The following USP28 variants were observed in gnomAD, a reference collection of about 807,000 sequenced individuals.
USP28 encodes the protein ubiquitin specific peptidase 28.
USP28 carries 113 observed loss-of-function variants against 145.0 expected under a neutral mutation model. The ratio of observed to expected loss-of-function variants is 0.78; its 90% CI spans 0.67 to 0.91. USP28 has a LOEUF of 0.91. Among genes scored for constraint, USP28 ranks in the 40% least tolerant of loss-of-function variants. USP28 has a pLI of 0.00. For missense variants in USP28, 1,201 were observed against 1,289.6 expected, an observed-to-expected ratio of 0.93 and a Z score of 1.05; for synonymous variants, 447 against 450.9, an observed-to-expected ratio of 0.99 and a Z score of 0.11.
chr11:113,814,815 A>C (rs1941475062), intron 14 of USP28, among the ~76,000 whole-genome samples: 1 of 152,004 alleles, frequency 6.6e-6, no homozygotes, highest in Non-Finnish European at 1.5e-5. Context: ...TTGGGAGGCC[A>C]AGGCAGGCAG....
At chr11:113,798,075 T>G (rs1267936274) in exon 25 of USP28, 2 of 132,088 alleles carry the variant, frequency 1.5e-5, no homozygotes, top group African/African-American at 2.9e-5. Context: ...GGTTTTTTTT[T>G]TTTTTTTTTT....
At chr11:113,811,399 G>A (rs1292190348) in intron 16 of USP28, among the ~76,000 whole-genome samples, 1 of 152,138 alleles carries the variant, frequency 6.6e-6, no homozygotes, top group Non-Finnish European at 1.5e-5. Flanking sequence ...AAATACACCT[G>A]TAAAATTTAG....
intron 12 of USP28, among the ~76,000 whole-genome samples, chr11:113,819,333 G>A (rs145170729): frequency 6.6e-6 from 1 of 152,030 alleles, no homozygotes; most frequent in Non-Finnish European, 1.5e-5. Flanking sequence ...AGCTGGTCTC[G>A]AACTCCTGAT....
At chr11:113,823,256 A>T (rs1433516337) in intron 12 of USP28, among the ~76,000 whole-genome samples, 1 of 152,192 alleles carries the variant, frequency 6.6e-6, no homozygotes, top group Non-Finnish European at 1.5e-5. Flanking sequence ...TGCTTTTCCA[A>T]AAGTGGACGG....
At chr11:113,838,198 T>C (rs1002784721) in intron 5 of USP28, among the ~76,000 whole-genome samples, 4 of 152,100 alleles carry the variant, frequency 2.6e-5, no homozygotes, top group Admixed American at 1.3e-4. Context: ...TCCACAGGAG[T>C]GAAGGCTAAT....
intron 1 of USP28, among the ~76,000 whole-genome samples, chr11:113,858,695 C>T (rs1004668642): frequency 9.2e-5 from 14 of 152,178 alleles, no homozygotes; most frequent in Non-Finnish European, 1.5e-4. Context: ...CTGCAAACTC[C>T]ACCTCTTGGG....
intron 24 of USP28, 51 bp from the exon 26 acceptor site, chr11:113,799,466 T>G: frequency 6.4e-7 from 1 of 1,570,146 alleles, no homozygotes; most frequent in South Asian, 1.2e-5. Flanking sequence ...GATTTCTGAG[T>G]AAAAGTGAAC....
intron 15 of USP28, among the ~76,000 whole-genome samples, chr11:113,812,719 G>T (rs1305296054): frequency 6.6e-6 from 1 of 152,096 alleles, no homozygotes; most frequent in Non-Finnish European, 1.5e-5. Context: ...TGAACTACAT[G>T]ACCTCTCTGA....
At chr11:113,869,652 T>C (rs1948625838) in intron 1 of USP28, among the ~76,000 whole-genome samples, 1 of 152,164 alleles carries the variant, frequency 6.6e-6, no homozygotes, top group African/African-American at 2.4e-5. Context: ...CACACCTTGC[T>C]GGGTTTTTGT....
intron 3 of USP28, among the ~76,000 whole-genome samples, chr11:113,852,031 T>A (rs1272695450): frequency 6.6e-6 from 1 of 152,026 alleles, no homozygotes; most frequent in Non-Finnish European, 1.5e-5. Flanking sequence ...AAATGAAACT[T>A]TTTTTTTCTT....
chr11:113,813,962 G>A lies in USP28; in HGVS notation c.1673-7C>T. On this transcript the variant is annotated splice_region_variant and splice_polypyrimidine_tract_variant and intron_variant, in intron 14 of 24. Coordinates refer to ENST00000003302, the Ensembl canonical transcript of USP28. ...GCAATACAAGTCTTTAAATCTGTTT[G>A]GAAAAAGAAAAACAAAAGCTTCACT... 2 of 1,595,202 alleles carry A rather than the reference G, an allele frequency of 1.3e-6. No individual in the cohort carries two copies. Among genetic ancestry groups the A allele is most frequent in the Non-Finnish European group, 8.5e-7 (1 of 1,173,360 alleles).
intron 6 of USP28, 48 bp from the exon 7 acceptor site, chr11:113,833,605 A>G: frequency 6.4e-7 from 1 of 1,565,798 alleles, no homozygotes; most frequent in Non-Finnish European, 8.6e-7. Context: ...CATTTAGAAA[A>G]TCAGAACGTG....
intron 3 of USP28, among the ~76,000 whole-genome samples, chr11:113,848,452 A>G (rs750253398): frequency 6.6e-6 from 1 of 152,172 alleles, no homozygotes; most frequent in African/African-American, 2.4e-5. Context: ...TGGGGACCCA[A>G]AGCCTTATGT....
chr11:113,841,367 A>G (rs999442201), intron 4 of USP28, among the ~76,000 whole-genome samples: 1 of 152,242 alleles, frequency 6.6e-6, no homozygotes, highest in African/African-American at 2.4e-5. Flanking sequence ...AGTTTATAAA[A>G]GAGAATATAC....
intron 16 of USP28, 130 bp from the exon 17 acceptor site, chr11:113,809,384 G>T: frequency 1.1e-6 from 1 of 879,676 alleles, no homozygotes; most frequent in South Asian, 1.8e-5. Flanking sequence ...GAATCCATCA[G>T]AAATGCAGGC....
exon 21 of USP28, chr11:113,804,724 T>C (rs375471847): frequency 1.2e-6 from 2 of 1,614,234 alleles, no homozygotes; most frequent in East Asian, 2.2e-5. Context: ...TCAGTTTCGC[T>C]TGAGCCACCT....
chr11:113,811,354 T>C (rs1417271557), intron 16 of USP28, among the ~76,000 whole-genome samples: 6 of 152,202 alleles, frequency 3.9e-5, no homozygotes, highest in Non-Finnish European at 7.3e-5. Context: ...TCTGTATGAG[T>C]AGTAGTATTA....
rs962579303 is a variant in USP28, at chr11:113,874,554, T to C, written c.57+891A>G. ...GTCTGCCAGCTTTGTACGACAAATA[T>C]AGTTTCTCATCTCCAAACTCGTATT... On this transcript the variant is annotated intron_variant, in intron 1 of 24. Coordinates refer to ENST00000003302, the Ensembl canonical transcript of USP28. 1.5e-5 allele frequency: 19 copies of C among 1,288,210 alleles called. No individual in the cohort carries two copies. The East Asian group carries it at 1.7e-4, about 11-fold the overall frequency. The allele number at this position is 1,288,210 out of a possible 1,614,324, so 79.8% of individuals were successfully genotyped here. A position where few individuals can be genotyped will look rare whatever the true frequency, so the allele number is the denominator to read the frequency against.
chr11:113,803,100 C>A, intron 23 of USP28, 58 bp downstream of exon 24: 1 of 1,506,754 alleles, frequency 6.6e-7, no homozygotes, highest in Non-Finnish European at 8.9e-7. Context: ...ATTTTCCTGG[C>A]TTCAAGGAGC....
Sources: allele counts gnomAD v4.1 joint callset (sites outside exome capture counted in the v4.1 genomes callset), GRCh38; gene constraint gnomAD v4.1.1; transcripts MANE v1.5; gene names NCBI Gene and HGNC (gene_info 2026-07-23, HGNC 2026-07-21).